IFT80: variants seen among roughly 807,000 people sequenced by gnomAD.
IFT80 encodes intraflagellar transport protein 80 homolog.
Under a neutral mutation model 107.9 loss-of-function variants are expected in IFT80, and 79 were observed. That is an observed-to-expected ratio of 0.73 (90% CI 0.61 to 0.88). The LOEUF is 0.88. Ranked by LOEUF, IFT80 falls within the 40% of genes least tolerant of loss-of-function variation. The pLI, the probability that IFT80 is intolerant of heterozygous loss-of-function variation, is 0.00. For synonymous variants in IFT80, 299 were observed against 300.9 expected (o/e 0.99, Z 0.07); for missense variants, 797 against 914.2 (o/e 0.87, Z 1.65).
intron 8 of IFT80, among the ~76,000 whole-genome samples, chr3:160,341,041 T>A (rs1230932471): frequency 8.6e-5 from 13 of 151,598 alleles, no homozygotes; most frequent in Admixed American, 8.5e-4. Flanking sequence ...TTGAGACAAG[T>A]TTTCACTCTG....
intron 8 of IFT80, among the ~76,000 whole-genome samples, chr3:160,330,157 CATTATT>C (rs1298333254): frequency 2.0e-5 from 3 of 152,166 alleles, no homozygotes; most frequent in Non-Finnish European, 4.4e-5. Context: ...GCTAGCTGCA[CATTATT>C]ATTATCTTAG....
At chr3:160,390,780 A>G (rs1713324165) in intron 1 of IFT80, among the ~76,000 whole-genome samples, 1 of 152,214 alleles carries the variant, frequency 6.6e-6, no homozygotes, top group African/African-American at 2.4e-5. Context: ...AGTGGCTATT[A>G]TAATATCATC....
intron 18 of IFT80, among the ~76,000 whole-genome samples, chr3:160,270,193 GTTTCAC>G (rs1048047355): frequency 6.6e-6 from 1 of 152,316 alleles, no homozygotes; most frequent in Admixed American, 6.5e-5. Flanking sequence ...TAGAGACGTG[GTTTCAC>G]CACATTGGCC....
chr3:160,280,649 T>C lies in IFT80; in HGVS notation c.1664+18A>G. 1 of 1,602,102 alleles carries C rather than the reference T, an allele frequency of 6.2e-7. No individual in the cohort carries two copies. Among genetic ancestry groups the C allele is most frequent in the Non-Finnish European group, 8.5e-7 (1 of 1,169,796 alleles). The stretch of plus-strand genomic sequence containing the variant: ...TTTTATTTACTACAAAACAGAATTA[T>C]ACGCAGTAAAATGTTACCTTGCATC... On this transcript the variant is annotated intron_variant, in intron 15 of 19. Transcript: ENST00000326448.
rs1416328757 is a variant in IFT80 at position 160,324,003 on chromosome 3, C to A, written c.778-4064G>T. Among the ~76,000 whole-genome samples the A allele has an allele frequency of 2.0e-5, 3 of 152,158 alleles. No individual in the cohort carries two copies. The East Asian group carries it at 5.8e-4, about 29-fold the overall frequency. ...CCATCAGAGAATACTACAAACACCT[C>A]TACACAAATAAACTAGAAAATCTAG... On this transcript the variant is annotated intron_variant, in intron 8 of 19. Transcript: ENST00000326448.
At chr3:160,328,554 T>C (rs1718850668) in intron 8 of IFT80, among the ~76,000 whole-genome samples, 1 of 151,002 alleles carries the variant, frequency 6.6e-6, no homozygotes, top group Non-Finnish European at 1.5e-5. Context: ...GGTGGGAGTG[T>C]AAATTAGTTC....
At chr3:160,290,755 G>T (rs1364999341) in intron 12 of IFT80, among the ~76,000 whole-genome samples, 2 of 152,088 alleles carry the variant, frequency 1.3e-5, no homozygotes, top group Non-Finnish European at 1.5e-5. Context: ...TAAAGTCGGG[G>T]TTTCGCCATG....
intron 12 of IFT80, among the ~76,000 whole-genome samples, chr3:160,299,817 T>G (rs1716275255): frequency 6.6e-6 from 1 of 152,124 alleles, no homozygotes; most frequent in South Asian, 2.1e-4. Flanking sequence ...CAAAATAAAC[T>G]CTTGGTTTGC....
At chr3:160,387,419 G>A (rs1713024492) in intron 1 of IFT80, among the ~76,000 whole-genome samples, 1 of 152,168 alleles carries the variant, frequency 6.6e-6, no homozygotes, top group Non-Finnish European at 1.5e-5. Flanking sequence ...CAGGAGAATA[G>A]CTTGAACCCG....
chr3:160,304,104 C>A, intron 10 of IFT80, 115 bp from the exon 11 acceptor site: 1 of 728,586 alleles, frequency 1.4e-6, no homozygotes, highest in Non-Finnish European at 2.4e-6. Flanking sequence ...CAATTATATA[C>A]ATACTTTTAT....
At chr3:160,281,892 C>T (rs1045802061) in intron 14 of IFT80, among the ~76,000 whole-genome samples, 1 of 152,194 alleles carries the variant, frequency 6.6e-6, no homozygotes, top group African/African-American at 2.4e-5. Context: ...GTATAAAACC[C>T]CAAGTCAAAG....
At chr3:160,362,089 G>A (rs1721532531) in intron 6 of IFT80, among the ~76,000 whole-genome samples, 1 of 152,150 alleles carries the variant, frequency 6.6e-6, no homozygotes, top group Non-Finnish European at 1.5e-5. Flanking sequence ...GAATCCAGGA[G>A]CTGGTTTTTT....
intron 5 of IFT80, among the ~76,000 whole-genome samples, chr3:160,368,691 G>T (rs901891621): frequency 1.3e-5 from 2 of 151,918 alleles, no homozygotes; most frequent in African/African-American, 2.4e-5. Flanking sequence ...TCTTGGTGAG[G>T]ACTGGAAAGG....
At chr3:160,330,225 A>T (rs535769064) in intron 8 of IFT80, among the ~76,000 whole-genome samples, 1 of 152,322 alleles carries the variant, frequency 6.6e-6, no homozygotes, top group South Asian at 2.1e-4. Context: ...CCAACCAATT[A>T]AATCCAGAAT....
chr3:160,355,944 G>C, intron 8 of IFT80, 69 bp downstream of exon 8: 2 of 1,546,508 alleles, frequency 1.3e-6, no homozygotes, highest in Non-Finnish European at 1.8e-6. Context: ...TAAAGACTGA[G>C]AACCATGTGT....
chr3:160,290,960 T>C (rs1715508268), intron 12 of IFT80, among the ~76,000 whole-genome samples: 1 of 152,200 alleles, frequency 6.6e-6, no homozygotes, highest in African/African-American at 2.4e-5. Context: ...TATTAAGGAA[T>C]GTGAAACAGA....
At chr3:160,346,550 A>G (rs190294814) in intron 8 of IFT80, among the ~76,000 whole-genome samples, 17 of 152,232 alleles carry the variant, frequency 1.1e-4, no homozygotes, top group African/African-American at 3.9e-4. Flanking sequence ...GGATGTTTTT[A>G]ATATCATAAT....
chr3:160,387,697 A>C (rs1319585438), intron 1 of IFT80, among the ~76,000 whole-genome samples: 1 of 152,190 alleles, frequency 6.6e-6, no homozygotes, highest in Non-Finnish European at 1.5e-5. Flanking sequence ...GAGAAATGAG[A>C]TATAATACAG....
rs1477536740 is a variant in IFT80, at chr3:160,370,313, A to G, written c.440-4161T>C. On this transcript the variant is annotated intron_variant, in intron 5 of 19. Coordinates refer to ENST00000326448, the MANE Select transcript of IFT80 (RefSeq NM_020800.3). ...TATATAGCACTATCTGTTAACTACT[A>G]CAAATTATTTTGTAATAAGCAAGCA... Among the ~76,000 whole-genome samples the G allele has an allele frequency of 2.6e-5, 4 of 152,230 alleles. 1 individual carries two copies. Among genetic ancestry groups the G allele is most frequent in the Non-Finnish European group, 5.9e-5 (4 of 67,982 alleles).
Sources: allele counts gnomAD v4.1 joint callset (sites outside exome capture counted in the v4.1 genomes callset), GRCh38; gene constraint gnomAD v4.1.1; transcripts MANE v1.5; gene names NCBI Gene and HGNC (gene_info 2026-07-23, HGNC 2026-07-21).